Variants in SORCS2 observed in about 807,000 individuals in gnomAD.
SORCS2 encodes sortilin related VPS10 domain containing receptor 2.
A neutral mutation model predicts 141.6 loss-of-function variants in SORCS2; 100 were observed. The observed-to-expected ratio is 0.71, with a 90% CI of 0.60 to 0.83. The LOEUF is 0.83. Ranked by LOEUF, SORCS2 falls within the 40% of genes least tolerant of loss-of-function variation. SORCS2 has a pLI of 0.00. For missense variants in SORCS2, 1,646 were observed against 1,560.2 expected (o/e 1.05, Z -0.93); for synonymous variants, 789 against 676.9 (o/e 1.17, Z -2.57).
chr4:7,360,805 G>C (rs554428606), intron 1 of SORCS2, among the ~76,000 whole-genome samples: 2 of 151,360 alleles, frequency 1.3e-5, no homozygotes, highest in Non-Finnish European at 2.9e-5. Flanking sequence ...GCCTGGTCTC[G>C]AACTCCTGAG....
intron 2 of SORCS2, among the ~76,000 whole-genome samples, chr4:7,439,855 G>A (rs1727544649): frequency 6.6e-6 from 1 of 152,138 alleles, no homozygotes; most frequent in South Asian, 2.1e-4. Context: ...CAAACATCTT[G>A]GTGACGTCAG....
intron 3 of SORCS2, among the ~76,000 whole-genome samples, chr4:7,623,880 C>CAAGAGCAGAGG (rs1368313934): frequency 6.6e-6 from 1 of 152,172 alleles, no homozygotes; most frequent in South Asian, 2.1e-4. Flanking sequence ...AGGCTGAAAT[C>CAAGAGCAGAGG]AAGAGCAGAG....
At chr4:7,223,132 CG>C (rs976502033) in intron 1 of SORCS2, among the ~76,000 whole-genome samples, 4 of 152,064 alleles carry the variant, frequency 2.6e-5, no homozygotes, top group African/African-American at 9.7e-5. Context: ...TGATGAAGGA[CG>C]GGACTCATAC....
chr4:7,252,466 G>T (rs1713572652), intron 1 of SORCS2, among the ~76,000 whole-genome samples: 1 of 152,132 alleles, frequency 6.6e-6, no homozygotes. Flanking sequence ...CTCTTTTTTT[G>T]GAATGTTCCT....
intron 2 of SORCS2, among the ~76,000 whole-genome samples, chr4:7,425,064 G>T (rs1337299995): frequency 6.6e-6 from 1 of 152,184 alleles, no homozygotes; most frequent in South Asian, 2.1e-4. Flanking sequence ...GTTCCGGGAG[G>T]TGCCAGATTC....
rs1173244542 is a variant in SORCS2 at position 7,663,286 on chromosome 4, GTGAGTGAA to G, written c.953-1059_953-1052del. ...AGTGAGTGAGTGAATGAATAAGTGA[GTGAGTGAA>G]TGAGTGACTGAGTGAATGAATGAGT... On this transcript the variant is annotated intron_variant, in intron 6 of 26. Coordinates refer to ENST00000507866, the MANE Select transcript of SORCS2 (RefSeq NM_020777.3). The surrounding 1 kb of genome is among the most constrained non-coding windows in gnomAD (Gnocchi z 4.8). 2.0e-5 allele frequency among the ~76,000 whole-genome samples: 3 copies of G among 151,976 alleles called. No homozygotes were observed. The highest frequency in any genetic ancestry group is 7.3e-5 in the African/African-American group (3 of 41,364).
intron 2 of SORCS2, among the ~76,000 whole-genome samples, chr4:7,425,297 T>C (rs1244825548): frequency 6.6e-6 from 1 of 152,192 alleles, no homozygotes; most frequent in Admixed American, 6.5e-5. Context: ...GGCAAGCACC[T>C]GCTCTCTGTC....
At chr4:7,600,599 G>A (rs1051459179) in intron 3 of SORCS2, among the ~76,000 whole-genome samples, 26 of 151,648 alleles carry the variant, frequency 1.7e-4, no homozygotes, top group African/African-American at 6.1e-4. Context: ...CTAACCCGGG[G>A]TCCGGTAGAG....
chr4:7,724,527 G>A (rs1310328620), intron 19 of SORCS2, among the ~76,000 whole-genome samples: 3 of 147,864 alleles, frequency 2.0e-5, no homozygotes, highest in Admixed American at 6.7e-5. Context: ...TGGTGATAGG[G>A]TGGTGGTGAT....
chr4:7,390,565 G>T (rs369888721), intron 1 of SORCS2, among the ~76,000 whole-genome samples: 6 of 152,186 alleles, frequency 3.9e-5, no homozygotes, highest in Non-Finnish European at 8.8e-5. Flanking sequence ...GGATTATTGC[G>T]CGTCTCTCCG....
At chr4:7,716,039 T>C (rs1024270179) in intron 17 of SORCS2, among the ~76,000 whole-genome samples, 1 of 152,242 alleles carries the variant, frequency 6.6e-6, no homozygotes, top group African/African-American at 2.4e-5. Flanking sequence ...ATGCTTTTCC[T>C]CCACCAGAGG....
rs114326216 is a variant in SORCS2, at chr4:7,576,530, A to C, written c.648+44901A>C. Reference sequence around the variant, plus strand: ...TTCACCCCTGTGTGCATCTTACTACAAAAGGTGACATTTGTGTTGGGTATT... The same window carrying C: ...TTCACCCCTGTGTGCATCTTACTACCAAAGGTGACATTTGTGTTGGGTATT... On this transcript the variant is annotated intron_variant, in intron 3 of 26. Coordinates refer to ENST00000507866, the MANE Select transcript of SORCS2 (RefSeq NM_020777.3). Among the ~76,000 whole-genome samples the C allele has an allele frequency of 7.3e-3, 1,117 of 152,300 alleles. 14 individuals are homozygous for C. Among genetic ancestry groups the C allele is most frequent in the African/African-American group, 0.026 (1,079 of 41,558 alleles).
chr4:7,345,876 C>CTCT (rs1720625783), intron 1 of SORCS2, among the ~76,000 whole-genome samples: 1 of 152,196 alleles, frequency 6.6e-6, no homozygotes, highest in African/African-American at 2.4e-5. Flanking sequence ...GTTTTCCCTC[C>CTCT]GGTGGGTACC....
chr4:7,671,198 T>C (rs1383864953), intron 8 of SORCS2, among the ~76,000 whole-genome samples: 1 of 152,068 alleles, frequency 6.6e-6, no homozygotes, highest in East Asian at 1.9e-4. Context: ...CATGGCAAGC[T>C]CTATGGAAAG....
chr4:7,717,428 G>A (rs770085963), intron 17 of SORCS2, among the ~76,000 whole-genome samples: 1 of 152,176 alleles, frequency 6.6e-6, no homozygotes, highest in Non-Finnish European at 1.5e-5. Context: ...GGCTGCATGC[G>A]ATCACCCCCA....
Position 7,718,181 on chromosome 4 carries a change from C to T in SORCS2, c.2422C>T (p.Gln808Ter). ...CGTCCTGTTTGTGGTGCGGCAGGAG[C>T]AGGTGAGTGAGCACCTCCCAGCAGG... ...EDVLFVVRQEQGDVLTTKYQV... is the reference protein window; with the variant it reads ...EDVLFVVRQE Residue 808 changes from glutamine (Q) to a stop codon, truncating the protein, a stop_gained and splice_region_variant, in exon 18 of 27, where the codon CAG becomes TAG. Transcript: ENST00000507866. LOFTEE classifies it high-confidence loss of function. The T allele has an allele frequency of 1.2e-6, 2 of 1,609,196 alleles. No homozygotes were observed. The highest frequency in any genetic ancestry group is 1.7e-6 in the Non-Finnish European group (2 of 1,178,994).
chr4:7,680,031 A>G (rs190373857), intron 9 of SORCS2, among the ~76,000 whole-genome samples: 1 of 152,324 alleles, frequency 6.6e-6, no homozygotes, highest in Non-Finnish European at 1.5e-5. Context: ...ACCAAGCACT[A>G]GACAGGGCAG....
intron 2 of SORCS2, among the ~76,000 whole-genome samples, chr4:7,409,603 G>C (rs1725178364): frequency 6.6e-6 from 1 of 152,188 alleles, no homozygotes; most frequent in African/African-American, 2.4e-5. Flanking sequence ...AAGATGATGG[G>C]GAAGCTGGTT....
At chr4:7,260,030 A>T (rs1248259643) in intron 1 of SORCS2, among the ~76,000 whole-genome samples, 1 of 152,180 alleles carries the variant, frequency 6.6e-6, no homozygotes, top group Admixed American at 6.5e-5. Flanking sequence ...GCTGCCCACC[A>T]TACCCCTCTC....
Sources: allele counts gnomAD v4.1 joint callset (sites outside exome capture counted in the v4.1 genomes callset), GRCh38; gene constraint gnomAD v4.1.1; non-coding constraint Gnocchi (gnomAD v3.1); transcripts MANE v1.5; gene names NCBI Gene and HGNC (gene_info 2026-07-23, HGNC 2026-07-21).